Variants in HDAC9 observed in about 807,000 individuals in gnomAD.
The protein encoded by HDAC9 is MEF-2 interacting transcription repressor (MITR) protein.
A neutral mutation model predicts 139.4 loss-of-function variants in HDAC9; 41 were observed. The observed-to-expected ratio is 0.29, with a 90% confidence interval of 0.23 to 0.38. The LOEUF (loss-of-function observed/expected upper bound fraction) is 0.38. HDAC9 is among the 10% of genes least tolerant of loss of function. The pLI is 1.00. For synonymous variants in HDAC9, 517 were observed against 476.2 expected (o/e 1.09, Z -1.12); for missense variants, 1,147 against 1,297.0 (o/e 0.88, Z 1.78).
chr7:18,595,333 T>G (rs1832169758), intron 6 of HDAC9, among the ~76,000 whole-genome samples: 3 of 145,478 alleles, frequency 2.1e-5, no homozygotes, highest in Non-Finnish European at 1.6e-5. Flanking sequence ...TCCACCCTAT[T>G]ATCTGCAAAT....
intron 2 of HDAC9, among the ~76,000 whole-genome samples, chr7:18,220,100 G>A (rs1250861232): frequency 6.6e-6 from 1 of 152,156 alleles, no homozygotes; most frequent in Non-Finnish European, 1.5e-5. Flanking sequence ...ATGGAAATGT[G>A]TACTATTCTT....
chr7:18,186,728 A>G (rs1789945385), intron 2 of HDAC9, among the ~76,000 whole-genome samples: 1 of 152,218 alleles, frequency 6.6e-6, no homozygotes, highest in African/African-American at 2.4e-5. Context: ...AATAGAAATG[A>G]TGATGTGGTA....
upstream of HDAC9, among the ~76,000 whole-genome samples, chr7:18,494,847 C>G (rs1202107232): frequency 6.6e-6 from 1 of 151,986 alleles, no homozygotes; most frequent in Non-Finnish European, 1.5e-5. Flanking sequence ...AATTCTGTAT[C>G]CATAAGAAAT....
At chr7:18,373,232 C>G (rs1486390095) in intron 1 of HDAC9, among the ~76,000 whole-genome samples, 1 of 152,108 alleles carries the variant, frequency 6.6e-6, no homozygotes, top group Admixed American at 6.5e-5. Flanking sequence ...TAGCTGAGCA[C>G]TAACGAGTAA....
intron 2 of HDAC9, among the ~76,000 whole-genome samples, chr7:18,524,097 A>G (rs1470741311): frequency 1.3e-5 from 2 of 152,124 alleles, no homozygotes; most frequent in African/African-American, 4.8e-5. Context: ...TGGGTTAGCT[A>G]TTCTCAGGAT....
chr7:18,899,698 T>G (rs1352587361), intron 22 of HDAC9, among the ~76,000 whole-genome samples: 4 of 151,986 alleles, frequency 2.6e-5, no homozygotes, highest in Non-Finnish European at 4.4e-5. Context: ...CCTTGAACTA[T>G]TCAATGTAAT....
At chr7:18,504,196 A>G (rs1029822363) in intron 2 of HDAC9, among the ~76,000 whole-genome samples, 1 of 152,220 alleles carries the variant, frequency 6.6e-6, no homozygotes, top group African/African-American at 2.4e-5. Context: ...TGATTTTTAC[A>G]TTAGGAACTA....
Position 18,142,622 on chromosome 7 carries a change from A to G in HDAC9, c.-96-19607A>G, listed in dbSNP as rs569836247. On this transcript the variant is annotated intron_variant, in intron 1 of 12. Transcript: ENST00000417496. ...GTTTCTCTGCTTTAATCAGAGGGAC[A>G]ACTGGTCAGAGAGTTTTGTCCTTCC... 1.3e-5 allele frequency among the ~76,000 whole-genome samples: 2 copies of G among 152,318 alleles called. 1 individual carries two copies. The highest frequency in any genetic ancestry group is 4.8e-5 in the African/African-American group (2 of 41,584).
intron 12 of HDAC9, among the ~76,000 whole-genome samples, chr7:18,713,772 G>A (rs745683734): frequency 5.3e-5 from 8 of 152,280 alleles, no homozygotes; most frequent in South Asian, 2.1e-4. Flanking sequence ...AGTGGTTAAA[G>A]ACTGTTAAAC....
intron 22 of HDAC9, among the ~76,000 whole-genome samples, chr7:18,920,626 G>C (rs568766764): frequency 6.6e-6 from 1 of 152,076 alleles, no homozygotes. Context: ...TATTGGCTGT[G>C]GGTTTGTCAT....
chr7:18,621,480 A>G (rs1840193083), intron 6 of HDAC9, among the ~76,000 whole-genome samples: 1 of 152,096 alleles, frequency 6.6e-6, no homozygotes, highest in Admixed American at 6.5e-5. Flanking sequence ...CAAGTAGACA[A>G]AATTGGTATA....
chr7:18,264,275 A>AAAT (rs1795865600), intron 2 of HDAC9, among the ~76,000 whole-genome samples: 2 of 152,202 alleles, frequency 1.3e-5, no homozygotes, highest in Admixed American at 1.3e-4. Context: ...CTAGGCCATA[A>AAAT]AATAAGTTTC....
chr7:18,443,723 T>C (rs1425009179), intron 1 of HDAC9, among the ~76,000 whole-genome samples: 1 of 152,002 alleles, frequency 6.6e-6, no homozygotes, highest in Non-Finnish European at 1.5e-5. Context: ...ATCATAAATA[T>C]GTGTTGGATG....
intron 2 of HDAC9, among the ~76,000 whole-genome samples, chr7:18,546,277 A>G (rs960920578): frequency 7.2e-5 from 11 of 152,232 alleles, no homozygotes; most frequent in African/African-American, 1.2e-4. Context: ...TATTCTTGGT[A>G]TAGTGGCAAG....
intron 25 of HDAC9, among the ~76,000 whole-genome samples, chr7:18,978,904 A>C (rs1015718485): frequency 6.6e-6 from 1 of 152,114 alleles, no homozygotes; most frequent in Non-Finnish European, 1.5e-5. Flanking sequence ...TTAGGAGCAC[A>C]TTTGCACTCT....
intron 1 of HDAC9, among the ~76,000 whole-genome samples, chr7:18,430,907 A>C (rs546254067): frequency 1.4e-4 from 22 of 152,120 alleles, no homozygotes; most frequent in Admixed American, 9.8e-4. Context: ...CAAACCAAAC[A>C]AAACAAAACT....
intron 2 of HDAC9, among the ~76,000 whole-genome samples, chr7:18,568,634 C>T (rs1419895467): frequency 1.3e-5 from 2 of 152,112 alleles, no homozygotes; most frequent in Non-Finnish European, 2.9e-5. Flanking sequence ...GTTCTATTTC[C>T]TAATTATGTT....
intron 2 of HDAC9, among the ~76,000 whole-genome samples, chr7:18,166,704 A>G (rs1788035649): frequency 6.6e-6 from 1 of 152,198 alleles, no homozygotes; most frequent in South Asian, 2.1e-4. Context: ...TGGGACCCAG[A>G]AGGCCTGCCC....
At chr7:18,119,808 C>T (rs1784251342) in intron 1 of HDAC9, among the ~76,000 whole-genome samples, 1 of 152,196 alleles carries the variant, frequency 6.6e-6, no homozygotes, top group Non-Finnish European at 1.5e-5. Flanking sequence ...CCATAACTTT[C>T]TCCGTGAGTC....
Sources: allele counts gnomAD v4.1 joint callset (sites outside exome capture counted in the v4.1 genomes callset), GRCh38; gene constraint gnomAD v4.1.1; transcripts MANE v1.5; gene names NCBI Gene and HGNC (gene_info 2026-07-23, HGNC 2026-07-21).